Variants in MS4A4A observed in about 807,000 individuals in gnomAD.
The protein encoded by MS4A4A is membrane-spanning 4-domains subfamily A member 4A.
In MS4A4A, 26 loss-of-function variants were observed where a neutral mutation model predicts 28.0. The ratio of observed to expected loss-of-function variants is 0.93; its 90% CI spans 0.68 to 1.29. MS4A4A has a LOEUF of 1.29. Ranked by LOEUF, MS4A4A falls within the 50% of genes most tolerant of loss-of-function variation. The pLI is 0.00. For missense variants in MS4A4A, 290 were observed against 293.1 expected, an observed-to-expected ratio of 0.99 and a Z score of 0.08; for synonymous variants, 86 against 100.8, an observed-to-expected ratio of 0.85 and a Z score of 0.88.
intron 6 of MS4A4A, among the ~76,000 whole-genome samples, chr11:60,306,603 T>A (rs1437456530): frequency 1.2e-4 from 18 of 152,198 alleles, no homozygotes; most frequent in African/African-American, 4.3e-4. Flanking sequence ...AACTAGTTAG[T>A]ACCTACACAC....
intron 2 of MS4A4A, among the ~76,000 whole-genome samples, chr11:60,294,904 T>TCTTCTTCTTCTTCTTCTTCTTCTTCTC (rs2084891651): frequency 1.6e-5 from 1 of 63,574 alleles, no homozygotes; most frequent in Non-Finnish European, 4.2e-5. Context: ...TTCTTCTTCT[T>TCTTCTTCTTCTTCTTCTTCTTCTTCTC]CTTCTTCTTC....
chr11:60,302,706 T>A lies in MS4A4A; in HGVS notation c.535T>A (p.Ser179Thr), dbSNP rs1241806442. ...GNSNNCHGTMSILMGLDGMVL... is the reference protein window; with the variant it reads ...GNSNNCHGTMTILMGLDGMVL... ...CTCAAATAATTGTCATGGGACTATGTCCATCTTAATGGTTGGTACTGCCTC... is the reference window on the plus strand; with the variant it reads ...CTCAAATAATTGTCATGGGACTATGACCATCTTAATGGTTGGTACTGCCTC... Residue 179 changes from serine to threonine, a missense_variant, in exon 5 of 7, where the codon TCC becomes ACC. Ser to Thr is a moderately conservative substitution (Grantham distance 58). Coordinates refer to ENST00000337908, the MANE Select transcript of MS4A4A (RefSeq NM_148975.3). The A allele has an allele frequency of 6.2e-7, 1 of 1,613,656 alleles. No homozygotes were observed. Among genetic ancestry groups the A allele is most frequent in the South Asian group, 1.1e-5 (1 of 91,058 alleles).
At chr11:60,288,918 C>T (rs2084825797) in intron 1 of MS4A4A, among the ~76,000 whole-genome samples, 1 of 152,100 alleles carries the variant, frequency 6.6e-6, no homozygotes. Context: ...AGCTATATGT[C>T]CTCAGAGAGT....
intron 4 of MS4A4A, among the ~76,000 whole-genome samples, chr11:60,301,745 G>A (rs2084954075): frequency 6.6e-6 from 1 of 151,976 alleles, no homozygotes; most frequent in Non-Finnish European, 1.5e-5. Flanking sequence ...TGCTGTGCAA[G>A]TTTAGTTCTT....
At chr11:60,304,982 C>T (rs2135033992) in intron 5 of MS4A4A, among the ~76,000 whole-genome samples, 1 of 152,338 alleles carries the variant, frequency 6.6e-6, no homozygotes, top group East Asian at 1.9e-4. Context: ...CTCAAGGTCT[C>T]CTTAAGTCTG....
intron 1 of MS4A4A, among the ~76,000 whole-genome samples, 179 bp downstream of exon 1, chr11:60,280,895 G>C (rs781418885): frequency 2.0e-5 from 3 of 152,054 alleles, no homozygotes; most frequent in Admixed American, 6.6e-5. Context: ...GTGGGGGGAT[G>C]AGGAACAGTT....
At chr11:60,281,682 G>A (rs1002431660) in intron 1 of MS4A4A, among the ~76,000 whole-genome samples, 1 of 152,162 alleles carries the variant, frequency 6.6e-6, no homozygotes, top group African/African-American at 2.4e-5. Flanking sequence ...GACCCATGAG[G>A]AGGATGGTGA....
chr11:60,284,875 G>A lies in MS4A4A; in HGVS notation c.41+4159G>A, dbSNP rs371702801. 2.6e-5 allele frequency among the ~76,000 whole-genome samples: 4 copies of A among 152,248 alleles called. No individual in the cohort carries two copies. In the East Asian group the frequency reaches 5.8e-4, roughly 22 times the overall value. On this transcript the variant is annotated intron_variant, in intron 1 of 6. Coordinates refer to ENST00000337908, the MANE Select transcript of MS4A4A (RefSeq NM_148975.3). The stretch of plus-strand genomic sequence containing the variant: ...CTCGCAAATTTTGTTAAACATCAGA[G>A]AACTGTCCCCCTCTGGGCTTAATTT...
rs537396403 is a variant in MS4A4A, at chr11:60,302,770, T to A, written c.546+53T>A. ...TTATTATAGAAGCAAGTTTGGGGAG[T>A]GCTGGCTCTGGCAAAGACAATAATT... On this transcript the variant is annotated intron_variant, in intron 5 of 6. Transcript: ENST00000337908. The A allele has an allele frequency of 1.2e-5, 19 of 1,532,108 alleles. No individual in the cohort carries two copies. The South Asian group carries it at 1.8e-4, about 14-fold the overall frequency. 94.9% of individuals were successfully genotyped at this position (1,532,108 alleles called of 1,614,324 possible). A position where few individuals can be genotyped will look rare whatever the true frequency, so the allele number is the denominator to read the frequency against.
chr11:60,297,375 C>T, intron 3 of MS4A4A, 50 bp downstream of exon 3: 1 of 1,592,614 alleles, frequency 6.3e-7, no homozygotes, highest in South Asian at 1.1e-5. Flanking sequence ...AAGCAGTTGT[C>T]AATACCCTGA....
intron 1 of MS4A4A, chr11:60,282,832 A>G: frequency 2.0e-6 from 2 of 986,558 alleles, no homozygotes; most frequent in South Asian, 3.6e-5. Flanking sequence ...GAAATATAAA[A>G]GAAGGCTTTT....
chr11:60,291,659 A>G (rs2135017689), intron 1 of MS4A4A, among the ~76,000 whole-genome samples: 1 of 152,016 alleles, frequency 6.6e-6, no homozygotes, highest in Middle Eastern at 3.4e-3. Context: ...TTGGCTCAGC[A>G]TGGTGGCACG....
chr11:60,301,084 T>C (rs752043205), intron 4 of MS4A4A, 27 bp downstream of exon 4: 12 of 1,509,838 alleles, frequency 7.9e-6, no homozygotes, highest in Non-Finnish European at 1.1e-5. Context: ...TTTTTTGGTA[T>C]CAAAAAAAGG....
intron 2 of MS4A4A, among the ~76,000 whole-genome samples, chr11:60,296,360 C>A (rs1212000633): frequency 6.6e-6 from 1 of 151,888 alleles, no homozygotes; most frequent in Non-Finnish European, 1.5e-5. Context: ...CTCTCTTTTT[C>A]TTAGGCTGGC....
chr11:60,291,403 C>A (rs1233380411), intron 1 of MS4A4A, among the ~76,000 whole-genome samples: 1 of 152,102 alleles, frequency 6.6e-6, no homozygotes, highest in Non-Finnish European at 1.5e-5. Context: ...AGATTTTCAG[C>A]CCTGTGAATT....
At chr11:60,287,904 C>A (rs1177681991) in intron 1 of MS4A4A, among the ~76,000 whole-genome samples, 1 of 152,200 alleles carries the variant, frequency 6.6e-6, no homozygotes, top group African/African-American at 2.4e-5. Flanking sequence ...AGCTTTAAAT[C>A]TGGAGAATAA....
chr11:60,297,408 G>A lies in MS4A4A; in HGVS notation c.330+83G>A, dbSNP rs151169461. On this transcript the variant is annotated intron_variant, in intron 3 of 6. Transcript: ENST00000337908. ...TGATCTTTGGAATCCTATTCTAACC[G>A]TATCTTGTAATTCTGTAAATCTGAG... 8.6e-4 allele frequency: 1,263 copies of A among 1,472,612 alleles called. 10 individuals carry two copies. In the African/African-American group the frequency reaches 0.013, roughly 15 times the overall value. 91.2% of individuals were successfully genotyped at this position (1,472,612 alleles called of 1,614,324 possible).
chr11:60,296,971 CT>C (rs1185289872), intron 2 of MS4A4A: 4 of 500,274 alleles, frequency 8.0e-6, no homozygotes, highest in Non-Finnish European at 1.4e-5. Context: ...TGGCATACTC[CT>C]TTTAACCTTG....
At chr11:60,286,979 T>C (rs1452247846) in intron 1 of MS4A4A, among the ~76,000 whole-genome samples, 1 of 152,240 alleles carries the variant, frequency 6.6e-6, no homozygotes, top group African/African-American at 2.4e-5. Context: ...ACCTTTGTGA[T>C]TTAGTAATTT....
Sources: gnomAD v4.1 joint callset for allele counts (sites outside exome capture counted in the v4.1 genomes callset) on GRCh38, gnomAD v4.1.1 for gene constraint, MANE v1.5 for transcripts, NCBI Gene and HGNC (gene_info 2026-07-23, HGNC 2026-07-21) for gene names.